SH3PXD2A: variants seen among roughly 807,000 people sequenced by gnomAD.
SH3PXD2A encodes SH3 and PX domain-containing protein 2A.
SH3PXD2A carries 32 observed loss-of-function variants against 115.2 expected under a neutral mutation model. The ratio of observed to expected loss-of-function variants is 0.28; its 90% CI spans 0.21 to 0.37. SH3PXD2A has a LOEUF of 0.37. Ranked by LOEUF, SH3PXD2A falls within the 10% of genes least tolerant of loss-of-function variation. The pLI is 1.00. For missense variants in SH3PXD2A, 1,328 were observed against 1,498.7 expected, an observed-to-expected ratio of 0.89 and a Z score of 1.88; for synonymous variants, 610 against 629.1, an observed-to-expected ratio of 0.97 and a Z score of 0.45.
At chr10:103,750,192 C>T (rs2038559086) in intron 3 of SH3PXD2A, among the ~76,000 whole-genome samples, 1 of 152,180 alleles carries the variant, frequency 6.6e-6, no homozygotes, top group South Asian at 2.1e-4. Flanking sequence ...GCTGGGACCA[C>T]AGGTGCATGA....
At chr10:103,766,350 G>A (rs2038754442) in intron 3 of SH3PXD2A, among the ~76,000 whole-genome samples, 2 of 152,212 alleles carry the variant, frequency 1.3e-5, no homozygotes, top group African/African-American at 4.8e-5. Context: ...AGACAGCATC[G>A]CTTATCTGGT....
At chr10:103,659,800 G>A (rs186467957) in intron 8 of SH3PXD2A, among the ~76,000 whole-genome samples, 28 of 152,254 alleles carry the variant, frequency 1.8e-4, no homozygotes, top group Admixed American at 1.8e-3. Context: ...TCACAGCCCT[G>A]TTCTCTGGAG....
At chr10:103,847,459 G>A (rs1027545193) in intron 1 of SH3PXD2A, among the ~76,000 whole-genome samples, 9 of 152,008 alleles carry the variant, frequency 5.9e-5, no homozygotes, top group Admixed American at 2.0e-4. Flanking sequence ...AACTACAGGC[G>A]CATGCCTCCA....
At chr10:103,765,178 G>A (rs530385879) in intron 3 of SH3PXD2A, among the ~76,000 whole-genome samples, 2 of 152,156 alleles carry the variant, frequency 1.3e-5, no homozygotes, top group Non-Finnish European at 2.9e-5. Flanking sequence ...GGTTTCCAGG[G>A]TGAACCCGGG....
Position 103,783,817 on chromosome 10 carries a change from G to C in SH3PXD2A, c.154-16648C>G, listed in dbSNP as rs577730996. The stretch of plus-strand genomic sequence containing the variant: ...AGATGGAAAAAGAGAGGAATCCCTA[G>C]AGCTAAAAATAAACCTCGGGCAGTG... On this transcript the variant is annotated intron_variant, in intron 2 of 14. Coordinates refer to ENST00000369774, the MANE Select transcript of SH3PXD2A (RefSeq NM_001394015.1). Among the ~76,000 whole-genome samples the C allele has an allele frequency of 4.2e-4, 64 of 152,368 alleles. No individual in the cohort carries two copies. The South Asian group carries it at 0.013, about 31-fold the overall frequency.
At position 103,602,300 on chromosome 10, in the gene SH3PXD2A, C is replaced by T. The variant is rs745528071; in HGVS notation, c.2918G>A (p.Arg973Gln). 25 of 1,613,564 alleles carry T rather than the reference C, an allele frequency of 1.5e-5. No individual in the cohort carries two copies. The highest frequency in any genetic ancestry group is 6.7e-5 in the East Asian group (3 of 44,890). ...TPAVKMRNGVRQVAVRPQSVF... is the reference protein window; with the variant it reads ...TPAVKMRNGVQQVAVRPQSVF... ...CGACTGGGGCCTGACCGCCACCTGC[C>T]GCACTCCGTTCCTCATCTTCACCGC... is the stretch of plus-strand genomic sequence containing the variant. Residue 973 changes from arginine (R) to glutamine (Q), a missense_variant, in exon 15 of 15, where the codon CGG becomes CAG. Arg to Gln is a conservative substitution (Grantham distance 43). Coordinates refer to ENST00000369774, the MANE Select transcript of SH3PXD2A (RefSeq NM_001394015.1).
intron 2 of SH3PXD2A, among the ~76,000 whole-genome samples, chr10:103,775,610 T>C (rs1056043717): frequency 1.3e-5 from 2 of 152,004 alleles, no homozygotes; most frequent in African/African-American, 4.8e-5. Context: ...CAGGAAGCAG[T>C]GGGATGGGAG....
chr10:103,629,508 G>C (rs2036747435), intron 8 of SH3PXD2A, among the ~76,000 whole-genome samples: 1 of 152,198 alleles, frequency 6.6e-6, no homozygotes. Context: ...GTACCCTTGA[G>C]AGCTAGCTAC....
In SH3PXD2A at chr10:103,707,199, A is replaced by AT. The variant is rs35419059; in HGVS notation, c.399-14144dup. Reference sequence around the variant, plus strand: ...GCTAGCCATGGCACTATATATTTCAATTTTTTTTTTTTTTTGAGATGGAGT... The same window carrying AT: ...GCTAGCCATGGCACTATATATTTCAATTTTTTTTTTTTTTTTGAGATGGAGT... On this transcript the variant is annotated intron_variant, in intron 5 of 14. Coordinates refer to ENST00000369774, the MANE Select transcript of SH3PXD2A (RefSeq NM_001394015.1). Among the ~76,000 whole-genome samples, 975 of 144,826 alleles carry AT rather than the reference A, an allele frequency of 6.7e-3. 6 individuals carry two copies. Among genetic ancestry groups the AT allele is most frequent in the East Asian group, 0.016 (80 of 4,934 alleles).
intron 5 of SH3PXD2A, among the ~76,000 whole-genome samples, chr10:103,701,994 C>T (rs999179090): frequency 6.6e-6 from 1 of 151,142 alleles, no homozygotes; most frequent in Admixed American, 6.6e-5. Flanking sequence ...CACCATCCAT[C>T]CATCCATCCA....
intron 6 of SH3PXD2A, among the ~76,000 whole-genome samples, chr10:103,684,155 C>T (rs752205564): frequency 3.3e-5 from 5 of 152,270 alleles, no homozygotes; most frequent in East Asian, 1.9e-4. Flanking sequence ...CCTCACAGAC[C>T]GGCTTCCTGT....
At chr10:103,678,647 C>G (rs1250548545) in intron 6 of SH3PXD2A, among the ~76,000 whole-genome samples, 1 of 152,194 alleles carries the variant, frequency 6.6e-6, no homozygotes, top group East Asian at 1.9e-4. Context: ...CTTTCCCTGT[C>G]CTGTCAATCC....
intron 1 of SH3PXD2A, among the ~76,000 whole-genome samples, chr10:103,851,008 G>T (rs900950161): frequency 6.6e-6 from 1 of 152,060 alleles, no homozygotes; most frequent in Admixed American, 6.6e-5. Flanking sequence ...CAACTAGGAA[G>T]TGCCACAGGT....
At chr10:103,724,407 G>A in intron 4 of SH3PXD2A, 46 bp from the exon 5 acceptor site, 1 of 1,213,272 alleles carries the variant, frequency 8.2e-7, no homozygotes, top group South Asian at 1.4e-5. Flanking sequence ...ATGAACTTGG[G>A]AACAGGAAAA....
At chr10:103,607,094 G>C (rs369702457) in intron 13 of SH3PXD2A, among the ~76,000 whole-genome samples, 1 of 150,922 alleles carries the variant, frequency 6.6e-6, no homozygotes, top group African/African-American at 2.4e-5. Context: ...AGTGAGGAGC[G>C]TCTCTGCCCA....
chr10:103,619,565 C>G (rs2036572151), intron 10 of SH3PXD2A, among the ~76,000 whole-genome samples: 1 of 152,224 alleles, frequency 6.6e-6, no homozygotes, highest in Non-Finnish European at 1.5e-5. Context: ...TGGCAGAGAA[C>G]AAGGTCTAGC....
intron 7 of SH3PXD2A, among the ~76,000 whole-genome samples, chr10:103,662,469 A>G (rs533921131): frequency 7.8e-5 from 10 of 127,460 alleles, no homozygotes; most frequent in East Asian, 4.4e-4. Flanking sequence ...GCGCAATCTC[A>G]GCTCACTGCA....
intron 1 of SH3PXD2A, among the ~76,000 whole-genome samples, chr10:103,823,410 T>A (rs1348489549): frequency 2.6e-5 from 4 of 152,192 alleles, no homozygotes; most frequent in African/African-American, 9.7e-5. Flanking sequence ...ACCACTGCCC[T>A]TACAGGGTTG....
chr10:103,750,655 A>C (rs2038565984), intron 3 of SH3PXD2A, among the ~76,000 whole-genome samples: 1 of 152,112 alleles, frequency 6.6e-6, no homozygotes, highest in Admixed American at 6.6e-5. Context: ...AGGCTCAGAG[A>C]GCTGATGGGA....
Sources: allele counts gnomAD v4.1 joint callset (sites outside exome capture counted in the v4.1 genomes callset), GRCh38; gene constraint gnomAD v4.1.1; transcripts MANE v1.5; gene names NCBI Gene and HGNC (gene_info 2026-07-23, HGNC 2026-07-21).